The following SMTN variants were observed in gnomAD, a reference collection of about 807,000 sequenced individuals.
SMTN encodes smoothelin.
A neutral mutation model predicts 102.0 loss-of-function variants in SMTN; 58 were observed. The observed-to-expected ratio is 0.57, with a 90% CI of 0.46 to 0.71. SMTN has a LOEUF of 0.71. SMTN is among the 30% of genes least tolerant of loss of function. The pLI is 0.00. For synonymous variants in SMTN, 478 were observed against 497.9 expected, an observed-to-expected ratio of 0.96 and a Z score of 0.53; for missense variants, 1,185 against 1,241.7, an observed-to-expected ratio of 0.95 and a Z score of 0.69.
At chr22:31,084,913 G>T in intron 2 of SMTN, 3 of 1,312,536 alleles carry the variant, frequency 2.3e-6, no homozygotes, top group South Asian at 1.7e-5. Flanking sequence ...TGGCAAGAAC[G>T]GGGGCGTCCC....
chr22:31,090,756 CCT>C lies in SMTN; in HGVS notation c.866-51_866-50del, dbSNP rs1200489406. 6.5e-6 allele frequency: 9 copies of C among 1,392,790 alleles called. No individual in the cohort carries two copies. In the South Asian group the frequency reaches 8.1e-5, roughly 13 times the overall value. The allele number at this position is 1,392,790 out of a possible 1,614,324, so 86.3% of individuals were successfully genotyped here. ...TATGAAAGGTGGACACCCACTATCC[CCT>C]GTCTTTTCTCTTTCCCCACATGGCC... On this transcript the variant is annotated intron_variant, in intron 8 of 20. Transcript: ENST00000333137.
upstream of SMTN, among the ~76,000 whole-genome samples, chr22:31,079,274 G>A (rs1569233322): frequency 6.6e-6 from 1 of 152,252 alleles, no homozygotes; most frequent in Admixed American, 6.5e-5. Flanking sequence ...CCACTCCCTT[G>A]CAGAGAGGAA....
chr22:31,090,231 G>A, intron 8 of SMTN, 51 bp downstream of exon 8: 2 of 1,471,530 alleles, frequency 1.4e-6, no homozygotes, highest in Non-Finnish European at 1.9e-6. Context: ...CCCTCCCCCT[G>A]CCTCCCTTTC....
At position 31,100,893 on chromosome 22, in the gene SMTN, C is replaced by T. The variant is rs1262021216; in HGVS notation, c.2612C>T (p.Ala871Val). Reference sequence around the variant, plus strand: ...CCCCCTACCCTCCCCAGGACCCATGCGGACTGCCCGCAGCTCCTGGATACA... The same window carrying T: ...CCCCCTACCCTCCCCAGGACCCATGTGGACTGCCCGCAGCTCCTGGATACA... ...EVAFSSAETHADCPQLLDTED... is the reference protein window; with the variant it reads ...EVAFSSAETHVDCPQLLDTED... Residue 871 changes from alanine to valine, a missense_variant, in exon 20 of 21, where the codon GCG becomes GTG. This residue lies in a region of SMTN where 89 missense variants were observed against 128.9 expected (regional missense o/e 0.69). Coordinates refer to ENST00000333137, the MANE Select transcript of SMTN (RefSeq NM_134269.3). 13 of 1,565,302 alleles carry T rather than the reference C, an allele frequency of 8.3e-6. No individual in the cohort carries two copies. Among genetic ancestry groups the T allele is most frequent in the East Asian group, 2.4e-5 (1 of 41,122 alleles).
chr22:31,093,629 A>G, intron 11 of SMTN: 1 of 769,138 alleles, frequency 1.3e-6, no homozygotes, highest in South Asian at 1.4e-5. Context: ...CTGCGGGCAG[A>G]GAGAGCAGCA....
Position 31,074,570 on chromosome 22 carries a change from A to T in SMTN, c.-385-5880A>T, listed in dbSNP as rs565361834. Among the ~76,000 whole-genome samples the T allele has an allele frequency of 3.3e-5, 5 of 152,244 alleles. No individual in the cohort carries two copies. The South Asian group carries it at 1.0e-3, about 32-fold the overall frequency. ...TTTGGGAGGCCAAGAAGGGCGGATC[A>T]CCTGAGGTCAGGAGTTCAAGACTAG... On this transcript the variant is annotated intron_variant, in intron 1 of 3. Coordinates refer to the SMTN transcript ENST00000422839.
At chr22:31,079,296 G>C (rs535490747), upstream of SMTN, among the ~76,000 whole-genome samples, 1 of 152,372 alleles carries the variant, frequency 6.6e-6, no homozygotes, top group East Asian at 1.9e-4. Flanking sequence ...ACAGAGGCAG[G>C]CGGGTATGTC....
upstream of SMTN, among the ~76,000 whole-genome samples, chr22:31,079,326 T>A (rs77516452): frequency 0.079 from 11,999 of 152,260 alleles, 595 homozygotes; most frequent in African/African-American, 0.13. Flanking sequence ...ACCCAGGCAC[T>A]AAGGGCTTGA....
chr22:31,091,115 C>T lies in SMTN; in HGVS notation c.1092C>T (p.Leu364=), dbSNP rs371788561. The change falls in exon 10 of 21, where the codon CTC becomes CTT. Residue 364 remains leucine, a synonymous_variant. Coordinates refer to ENST00000333137, the MANE Select transcript of SMTN (RefSeq NM_134269.3). ...TAAGTCCCCTGACCCCCGCAAGGCT[C>T]CTGGGCCCCTCCCTCACCAGCACCA... ...AALSPLTPAR[L]LGPSLTSTTP... The T allele has an allele frequency of 1.8e-5, 29 of 1,613,888 alleles. No homozygotes were observed. The highest frequency in any genetic ancestry group is 2.4e-5 in the Non-Finnish European group (28 of 1,179,948).
At chr22:31,070,919 G>C (rs2041981656) in intron 1 of SMTN, among the ~76,000 whole-genome samples, 1 of 66,176 alleles carries the variant, frequency 1.5e-5, no homozygotes, top group Non-Finnish European at 2.6e-5. Flanking sequence ...GTGAAACTCT[G>C]TCTCAAAAAA....
Position 31,098,632 on chromosome 22 carries a change from T to C in SMTN, c.2160-35T>C, listed in dbSNP as rs749976619. On this transcript the variant is annotated intron_variant, in intron 16 of 20. Transcript: ENST00000333137. Reference sequence around the variant, plus strand: ...GGTCCAGGCTGGGGAGCAGCCCTGCTCTCCCTGCCTAACATGCGCCTCCCC... The same window carrying C: ...GGTCCAGGCTGGGGAGCAGCCCTGCCCTCCCTGCCTAACATGCGCCTCCCC... 14 of 1,605,068 alleles carry C rather than the reference T, an allele frequency of 8.7e-6. No homozygotes were observed. In the Admixed American group the frequency reaches 1.5e-4, roughly 17 times the overall value.
chr22:31,072,265 G>A (rs752326233), intron 1 of SMTN, among the ~76,000 whole-genome samples: 4 of 152,150 alleles, frequency 2.6e-5, no homozygotes, highest in Non-Finnish European at 4.4e-5. Context: ...TTTTGTGGAT[G>A]AGGAAACTGA....
intron 2 of SMTN, chr22:31,084,971 G>A: frequency 1.4e-6 from 2 of 1,454,284 alleles, no homozygotes; most frequent in Non-Finnish European, 9.0e-7. Flanking sequence ...GAAAAGCTAG[G>A]CCCGCTCCGC....
intron 15 of SMTN, 62 bp from the exon 16 acceptor site, chr22:31,097,207 C>T: frequency 6.4e-7 from 1 of 1,554,642 alleles, no homozygotes; most frequent in Non-Finnish European, 8.9e-7. Flanking sequence ...ATACAGCCTC[C>T]CATCCCATCT....
chr22:31,091,486 G>C lies in SMTN; in HGVS notation c.1459+4G>C. 1 of 1,518,806 alleles carries C rather than the reference G, an allele frequency of 6.6e-7. No individual in the cohort carries two copies. Among genetic ancestry groups the C allele is most frequent in the Non-Finnish European group, 8.8e-7 (1 of 1,137,140 alleles). The allele number at this position is 1,518,806 out of a possible 1,614,324, so 94.1% of individuals were successfully genotyped here. A position where few individuals can be genotyped will look rare whatever the true frequency, so the allele number is the denominator to read the frequency against. ...CCCACAGGCAACCAGAGGGCAGGTA[G>C]GCGCCCCCCACTGCCTCCCCAATGG... On this transcript the variant is annotated splice_donor_region_variant and intron_variant, in intron 10 of 20. Coordinates refer to ENST00000333137, the MANE Select transcript of SMTN (RefSeq NM_134269.3).
At position 31,096,774 on chromosome 22, in the gene SMTN, C is replaced by CG; in HGVS notation, c.1907dup (p.Arg637ProfsTer12). 1 of 1,559,948 alleles carries CG rather than the reference C, an allele frequency of 6.4e-7. No homozygotes were observed. The highest frequency in any genetic ancestry group is 8.7e-7 in the Non-Finnish European group (1 of 1,155,698). On this transcript the variant is annotated frameshift_variant, in exon 14 of 21. Transcript: ENST00000333137. LOFTEE classifies it high-confidence loss of function. Reference sequence around the variant, plus strand: ...GCGGGAACGGCGGCTGCAGGAGGCACGGGGCCGGCCAGGGGAGGGGCGCGG... The same window carrying CG: ...GCGGGAACGGCGGCTGCAGGAGGCACGGGGGCCGGCCAGGGGAGGGGCGCGG...
At chr22:31,100,084 G>T (rs1286084603) in intron 19 of SMTN, among the ~76,000 whole-genome samples, 188 bp downstream of exon 19, 2 of 150,012 alleles carry the variant, frequency 1.3e-5, no homozygotes, top group African/African-American at 4.9e-5. Flanking sequence ...CGTGCCAGGT[G>T]CCCGCCGGAA....
At chr22:31,076,541 G>T (rs4997282), upstream of SMTN, among the ~76,000 whole-genome samples, 1 of 152,246 alleles carries the variant, frequency 6.6e-6, no homozygotes, top group Admixed American at 6.5e-5. Flanking sequence ...TTATAGGGCT[G>T]TGGTGATGGT....
intron 3 of SMTN, 119 bp from the exon 4 acceptor site, chr22:31,088,394 G>A: frequency 2.2e-6 from 2 of 898,976 alleles, no homozygotes; most frequent in South Asian, 1.5e-5. Context: ...TAGAGGGTGT[G>A]CACAGCCACA....
Sources: gnomAD v4.1 joint callset for allele counts (sites outside exome capture counted in the v4.1 genomes callset) on GRCh38, gnomAD v4.1.1 for gene constraint, gnomAD v4.1.1 regional missense constraint, MANE v1.5 for transcripts, NCBI Gene and HGNC (gene_info 2026-07-23, HGNC 2026-07-21) for gene names.